SPATA22: variants seen among roughly 807,000 people sequenced by gnomAD.
SPATA22 encodes the protein spermatogenesis associated 22.
SPATA22 carries 29 observed loss-of-function variants against 47.8 expected under a neutral mutation model. The observed-to-expected ratio is 0.61, with a 90% CI of 0.45 to 0.83. The LOEUF is 0.83. Ranked by LOEUF, SPATA22 falls within the 40% of genes least tolerant of loss-of-function variation. The probability of loss-of-function intolerance (pLI) is 0.00; values close to 1 mark genes in which losing one functional copy is unlikely to be tolerated. For synonymous variants in SPATA22, 133 were observed against 140.9 expected, an observed-to-expected ratio of 0.94 and a Z score of 0.40; for missense variants, 410 against 421.7, an observed-to-expected ratio of 0.97 and a Z score of 0.24.
intron 1 of SPATA22, among the ~76,000 whole-genome samples, chr17:3,493,099 C>T (rs1473168673): frequency 6.6e-6 from 1 of 152,186 alleles, no homozygotes; most frequent in African/African-American, 2.4e-5. Context: ...AAACGTTCAT[C>T]CTGTTTGCTC....
intron 1 of SPATA22, among the ~76,000 whole-genome samples, chr17:3,492,371 G>C (rs1166062840): frequency 6.6e-6 from 1 of 152,108 alleles, no homozygotes; most frequent in Non-Finnish European, 1.5e-5. Flanking sequence ...TGTTCTATCA[G>C]TTTTTACTTT....
intron 3 of SPATA22, among the ~76,000 whole-genome samples, chr17:3,466,270 A>G (rs1446535933): frequency 6.6e-6 from 1 of 151,648 alleles, no homozygotes; most frequent in African/African-American, 2.4e-5. Context: ...TGTGCCCCCA[A>G]AATGTAAATG....
upstream of SPATA22, chr17:3,476,075 C>T: frequency 1.6e-6 from 2 of 1,287,626 alleles, no homozygotes; most frequent in Non-Finnish European, 1.1e-6. Context: ...GTCTCATTTA[C>T]ATTTCTAAAC....
rs898311420 is a variant in SPATA22 at position 3,447,860 on chromosome 17, C to T, written c.672+947G>A. Among the ~76,000 whole-genome samples, 2 of 152,168 alleles carry T rather than the reference C, an allele frequency of 1.3e-5. 1 individual carries two copies. The highest frequency in any genetic ancestry group is 4.1e-4 in the South Asian group (2 of 4,824). The stretch of plus-strand genomic sequence containing the variant: ...TATGATGTCGTACCAGTGACTCCTA[C>T]TGGCTGACCTCTAGCAAAAGCCAGC... On this transcript the variant is annotated intron_variant, in intron 6 of 8. Transcript: ENST00000572969.
At chr17:3,498,755 G>T (rs145748935) in intron 1 of SPATA22, 2 of 827,698 alleles carry the variant, frequency 2.4e-6, no homozygotes, top group Middle Eastern at 3.9e-4. Flanking sequence ...TCACTTGCCT[G>T]CATCTCAATG....
At chr17:3,491,987 C>T (rs1481177638) in intron 1 of SPATA22, among the ~76,000 whole-genome samples, 2 of 151,050 alleles carry the variant, frequency 1.3e-5, no homozygotes, top group Non-Finnish European at 2.9e-5. Context: ...AAGCAATCCT[C>T]CCACCCAGCC....
chr17:3,478,504 G>T (rs561770802), intron 1 of SPATA22, among the ~76,000 whole-genome samples: 14 of 152,292 alleles, frequency 9.2e-5, no homozygotes, highest in African/African-American at 2.6e-4. Flanking sequence ...TGACCTAAGA[G>T]AGCTGTTAAC....
At chr17:3,469,213 G>T in intron 2 of SPATA22, 70 bp downstream of exon 2, 1 of 707,612 alleles carries the variant, frequency 1.4e-6, no homozygotes, top group Non-Finnish European at 2.3e-6. Flanking sequence ...TATTTCCAAT[G>T]TTATATCTAT....
At position 3,494,352 on chromosome 17, in the gene SPATA22, A is replaced by G. The variant is rs528179434; in HGVS notation, c.-74+19060T>C. The G allele has an allele frequency of 1.1e-4, 179 of 1,605,666 alleles. No homozygotes were observed. In the South Asian group the frequency reaches 1.8e-3, roughly 16 times the overall value. On this transcript the variant is annotated intron_variant, in intron 1 of 8. Coordinates refer to the SPATA22 transcript ENST00000541913. The stretch of plus-strand genomic sequence containing the variant: ...GATACATATTGTTTTTGTCATAGGA[A>G]AAGAATTTCCTCCCTGCGCCATTGA...
chr17:3,471,867 C>T (rs2073446629), upstream of SPATA22: 1 of 985,528 alleles, frequency 1.0e-6, no homozygotes, highest in Non-Finnish European at 1.2e-6. Context: ...TGGCCGCCAC[C>T]TCGGCGCGAT....
At chr17:3,480,246 C>T (rs2073604062) in intron 1 of SPATA22, among the ~76,000 whole-genome samples, 1 of 152,204 alleles carries the variant, frequency 6.6e-6, no homozygotes. Flanking sequence ...GCTGATTTAT[C>T]AAGACAAGGG....
chr17:3,459,303 A>C (rs992396899), intron 5 of SPATA22, among the ~76,000 whole-genome samples: 8 of 152,222 alleles, frequency 5.3e-5, no homozygotes, highest in African/African-American at 1.7e-4. Context: ...AATGGTAATT[A>C]TGTGAAGAGA....
At chr17:3,456,626 A>G (rs1411099839) in intron 5 of SPATA22, among the ~76,000 whole-genome samples, 4 of 152,284 alleles carry the variant, frequency 2.6e-5, no homozygotes, top group Non-Finnish European at 4.4e-5. Flanking sequence ...GGTACAAGGA[A>G]GAGCTGGTAC....
chr17:3,477,582 A>G (rs191700855), intron 1 of SPATA22, among the ~76,000 whole-genome samples: 1 of 151,920 alleles, frequency 6.6e-6, no homozygotes, highest in South Asian at 2.1e-4. Context: ...CCTCCCGAGT[A>G]GCTGGGATTA....
intron 1 of SPATA22, among the ~76,000 whole-genome samples, chr17:3,493,153 T>C (rs1020354870): frequency 6.6e-6 from 1 of 152,172 alleles, no homozygotes; most frequent in Non-Finnish European, 1.5e-5. Flanking sequence ...TTTCCAAGTT[T>C]CTGGGAATTG....
chr17:3,471,336 A>C (rs1278152855), intron 1 of SPATA22: 7 of 772,672 alleles, frequency 9.1e-6, no homozygotes, highest in Non-Finnish European at 1.1e-5. Flanking sequence ...TATGTTTCTC[A>C]GGATCAAACA....
chr17:3,465,195 G>A, intron 3 of SPATA22, among the ~76,000 whole-genome samples: 1 of 139,254 alleles, frequency 7.2e-6, no homozygotes, highest in South Asian at 2.4e-4. Context: ...CCTCGTCCAG[G>A]AGGTGAGGGG....
intron 1 of SPATA22, among the ~76,000 whole-genome samples, chr17:3,496,926 C>T (rs1465517725): frequency 3.9e-5 from 6 of 152,030 alleles, no homozygotes; most frequent in Non-Finnish European, 4.4e-5. Flanking sequence ...ATTAGCCGGG[C>T]ATGGTGGCAG....
At position 3,461,008 on chromosome 17, in the gene SPATA22, T is replaced by G. The variant is rs561302277; in HGVS notation, c.329+1475A>C. Among the ~76,000 whole-genome samples, 4 of 152,266 alleles carry G rather than the reference T, an allele frequency of 2.6e-5. No homozygotes were observed. In the East Asian group the frequency reaches 7.7e-4, roughly 29 times the overall value. On this transcript the variant is annotated intron_variant, in intron 5 of 8. Coordinates refer to ENST00000572969, the MANE Select transcript of SPATA22 (RefSeq NM_001170698.2). ...GTGAATGAAATCTATATTGATAATG[T>G]ATCTAATAACACAGTATCTATAAGA...
Sources: gnomAD v4.1 joint callset for allele counts (sites outside exome capture counted in the v4.1 genomes callset) on GRCh38, gnomAD v4.1.1 for gene constraint, MANE v1.5 for transcripts, NCBI Gene and HGNC (gene_info 2026-07-23, HGNC 2026-07-21) for gene names.